The following MCPH1 variants were observed in gnomAD, a reference collection of about 807,000 sequenced individuals.
The protein encoded by MCPH1 is microcephalin 1.
In MCPH1, 104 loss-of-function variants were observed where a neutral mutation model predicts 84.5. The ratio of observed to expected loss-of-function variants is 1.23; its 90% CI spans 1.05 to 1.45. The LOEUF (loss-of-function observed/expected upper bound fraction) is 1.45, where lower values mean the gene tolerates loss of function less well. Among genes scored for constraint, MCPH1 ranks in the 40% most tolerant of loss-of-function variants. The pLI, the probability that MCPH1 is intolerant of heterozygous loss-of-function variation, is 0.00. For synonymous variants in MCPH1, 514 were observed against 366.8 expected (o/e 1.40, Z -4.58); for missense variants, 1,498 against 1,005.7 (o/e 1.49, Z -6.62).
intron 9 of MCPH1, among the ~76,000 whole-genome samples, chr8:6,461,963 A>G (rs1806345520): frequency 6.6e-6 from 1 of 152,154 alleles, no homozygotes; most frequent in Admixed American, 6.5e-5. Flanking sequence ...AACATTTTTA[A>G]TGTGAGTTAT....
At chr8:6,579,560 G>C (rs1827386478) in intron 12 of MCPH1, among the ~76,000 whole-genome samples, 1 of 152,184 alleles carries the variant, frequency 6.6e-6, no homozygotes, top group African/African-American at 2.4e-5. Context: ...CAGATAATGT[G>C]ACTGTAGTTA....
At chr8:6,503,188 C>G in intron 12 of MCPH1, 1 of 1,614,120 alleles carries the variant, frequency 6.2e-7, no homozygotes, top group Non-Finnish European at 8.5e-7. Context: ...TGCCGTTGAA[C>G]TTATTTGTGT....
At chr8:6,576,513 C>CTTCCCCTTCCCT (rs1389871582) in intron 12 of MCPH1, among the ~76,000 whole-genome samples, 1 of 150,432 alleles carries the variant, frequency 6.6e-6, no homozygotes. Flanking sequence ...TCCCCTTCCC[C>CTTCCCCTTCCCT]TTCCCCGTCC....
At chr8:6,485,978 A>C (rs2920689) in intron 11 of MCPH1, among the ~76,000 whole-genome samples, 91,740 of 152,044 alleles carry the variant, frequency 0.6, 30,654 homozygotes, top group East Asian at 0.78. Context: ...TGTTCATCTC[A>C]GTCTTCAAGA....
At chr8:6,569,824 C>A (rs751174545) in intron 12 of MCPH1, among the ~76,000 whole-genome samples, 2 of 152,232 alleles carry the variant, frequency 1.3e-5, no homozygotes, top group African/African-American at 4.8e-5. Context: ...AAACACACAT[C>A]CCGAGTGACA....
chr8:6,431,392 A>G (rs980994013), intron 3 of MCPH1, 107 bp from the exon 4 acceptor site: 1 of 810,952 alleles, frequency 1.2e-6, no homozygotes, highest in African/African-American at 1.7e-5. Context: ...TGTTAAAATG[A>G]CCTAGCTATG....
chr8:6,455,186 A>T lies in MCPH1; in HGVS notation c.1869A>T (p.Ser623=). 3 of 1,613,994 alleles carry T rather than the reference A, an allele frequency of 1.9e-6. No homozygotes were observed. Among genetic ancestry groups the T allele is most frequent in the Non-Finnish European group, 2.5e-6 (3 of 1,179,894 alleles). ...RPTRHDVLDD[S]CDGFKDLIKP... ...CAAGGCATGATGTTTTAGATGACTC[A>T]TGTGACGGCTTTAAGGACCTCATCA... The change falls in exon 9 of 14, where the codon TCA becomes TCT. Residue 623 remains serine, a synonymous_variant. Coordinates refer to ENST00000344683, the MANE Select transcript of MCPH1 (RefSeq NM_024596.5).
intron 12 of MCPH1, chr8:6,562,635 T>G (rs755524366): frequency 3.7e-6 from 5 of 1,348,072 alleles, no homozygotes; most frequent in Non-Finnish European, 5.0e-6. Context: ...GACAGATGGA[T>G]TTTTTTCCTA....
chr8:6,564,583 G>GGTTT (rs10646441), intron 12 of MCPH1, among the ~76,000 whole-genome samples: 116,852 of 151,794 alleles, frequency 0.77, 47,941 homozygotes, highest in East Asian at 0.94. Flanking sequence ...CCTTTGCTGC[G>GGTTT]GTTTATCTCT....
chr8:6,631,227 C>G (rs1220317755), intron 13 of MCPH1, among the ~76,000 whole-genome samples: 1 of 152,154 alleles, frequency 6.6e-6, no homozygotes, highest in Non-Finnish European at 1.5e-5. Flanking sequence ...AAGGATTGAT[C>G]CTCATCTCCA....
Position 6,521,097 on chromosome 8 carries a change from A to T in MCPH1, c.2214+21168A>T, listed in dbSNP as rs73522647. The T allele has an allele frequency of 3.2e-3, 3,471 of 1,097,830 alleles. 71 individuals carry two copies. In the African/African-American group the frequency reaches 0.049, roughly 15 times the overall value. 68.0% of individuals were successfully genotyped at this position (1,097,830 alleles called of 1,614,324 possible). A position where few individuals can be genotyped will look rare whatever the true frequency, so the allele number is the denominator to read the frequency against. On this transcript the variant is annotated intron_variant, in intron 12 of 13. Coordinates refer to ENST00000344683, the MANE Select transcript of MCPH1 (RefSeq NM_024596.5). ...TATGAGAAATAGCGCCTTTTCTGAA[A>T]GGTGAGAATTTTTTAGTCTTTTGAG...
At chr8:6,499,200 G>A (rs1212460294) in intron 11 of MCPH1, among the ~76,000 whole-genome samples, 5 of 152,024 alleles carry the variant, frequency 3.3e-5, no homozygotes, top group Admixed American at 6.6e-5. Context: ...GAGGAGAGAC[G>A]GCTGCAGAAC....
intron 3 of MCPH1, among the ~76,000 whole-genome samples, chr8:6,423,985 T>G (rs1373056502): frequency 6.6e-6 from 1 of 152,248 alleles, no homozygotes; most frequent in Non-Finnish European, 1.5e-5. Context: ...CCTGCATTTT[T>G]TATGTCACGT....
At chr8:6,489,692 C>T (rs1378948868) in intron 11 of MCPH1, among the ~76,000 whole-genome samples, 3 of 152,106 alleles carry the variant, frequency 2.0e-5, no homozygotes, top group East Asian at 1.9e-4. Flanking sequence ...TGGTTGGCAG[C>T]GAATGGGGCA....
intron 2 of MCPH1, among the ~76,000 whole-genome samples, chr8:6,413,621 C>T (rs1236631515): frequency 1.3e-5 from 2 of 151,884 alleles, no homozygotes; most frequent in South Asian, 2.1e-4. Context: ...TACCAGTGAG[C>T]TTTACTCAAC....
rs141505042 is a variant in MCPH1 at position 6,614,092 on chromosome 8, C to T, written c.2215-7362C>T. The stretch of plus-strand genomic sequence containing the variant: ...GGGCTCAGTGCAGGCCACATTGTCA[C>T]GTGTAACTCTACACTGAGAATTATT... On this transcript the variant is annotated intron_variant, in intron 12 of 13. Transcript: ENST00000344683. Among the ~76,000 whole-genome samples the T allele has an allele frequency of 4.8e-3, 725 of 152,216 alleles. 5 individuals are homozygous for T. Among genetic ancestry groups the T allele is most frequent in the Non-Finnish European group, 7.3e-3 (500 of 68,034 alleles).
Position 6,595,733 on chromosome 8 carries a change from G to A in MCPH1, c.2215-25721G>A, listed in dbSNP as rs576527840. Among the ~76,000 whole-genome samples, 29 of 152,312 alleles carry A rather than the reference G, an allele frequency of 1.9e-4. No individual in the cohort carries two copies. The South Asian group carries it at 4.6e-3, about 24-fold the overall frequency. On this transcript the variant is annotated intron_variant, in intron 12 of 13. Coordinates refer to ENST00000344683, the MANE Select transcript of MCPH1 (RefSeq NM_024596.5). The stretch of plus-strand genomic sequence containing the variant: ...TGCAGGTTTGAGTGAAGAGTGCACT[G>A]TCCAACAAGGTCTTCAGAGCATCAT...
chr8:6,531,851 C>A (rs1017178051), intron 12 of MCPH1, among the ~76,000 whole-genome samples: 2 of 152,228 alleles, frequency 1.3e-5, no homozygotes, highest in Non-Finnish European at 2.9e-5. Flanking sequence ...CACTTGTCTC[C>A]TTCTCCATAA....
At chr8:6,442,640 A>G (rs1424976525) in intron 7 of MCPH1, among the ~76,000 whole-genome samples, 1 of 152,236 alleles carries the variant, frequency 6.6e-6, no homozygotes, top group South Asian at 2.1e-4. Flanking sequence ...CATGTTACGC[A>G]CATACATGTT....
Sources: gnomAD v4.1 joint callset for allele counts (sites outside exome capture counted in the v4.1 genomes callset) on GRCh38, gnomAD v4.1.1 for gene constraint, MANE v1.5 for transcripts, NCBI Gene and HGNC (gene_info 2026-07-23, HGNC 2026-07-21) for gene names.